Variants in BPIFB4 observed in about 807,000 individuals in gnomAD.
BPIFB4 encodes the protein BPI fold-containing family B member 4.
In BPIFB4, 62 loss-of-function variants were observed where a neutral mutation model predicts 69.2. That is an observed-to-expected ratio of 0.90 (90% CI 0.73 to 1.11). The LOEUF (loss-of-function observed/expected upper bound fraction) is 1.11, where lower values mean the gene tolerates loss of function less well. Ranked by LOEUF, BPIFB4 falls within the 50% of genes least tolerant of loss-of-function variation. The probability of loss-of-function intolerance (pLI) is 0.00; values close to 1 mark genes in which losing one functional copy is unlikely to be tolerated. For synonymous variants in BPIFB4, 330 were observed against 332.7 expected (o/e 0.99, Z 0.09); for missense variants, 789 against 792.0 (o/e 1.00, Z 0.04).
chr20:33,099,363 G>A (rs77473341), intron 13 of BPIFB4, among the ~76,000 whole-genome samples: 5,348 of 152,212 alleles, frequency 0.035, 156 homozygotes, highest in African/African-American at 0.083. Flanking sequence ...AGTGGGAATG[G>A]CTGTCCCAAT....
chr20:33,107,963 TG>T, intron 17 of BPIFB4, 143 bp downstream of exon 17: 1 of 711,380 alleles, frequency 1.4e-6, no homozygotes. Context: ...CTTCCAAGCA[TG>T]GGGCTGAGGG....
Position 33,111,495 on chromosome 20 carries a change from G to GC in BPIFB4, c.*59dup. On this transcript the variant is annotated 3_prime_UTR_variant, in exon 18 of 18. Coordinates refer to ENST00000375483, the MANE Select transcript of BPIFB4 (RefSeq NM_182519.3). ...AGAAGCTGGAACCAGTCCCAGAGAG[G>GC]CTCGGCCTGGAAACAGTCCCCTGCC... 6.2e-7 allele frequency: 1 copy of GC among 1,605,900 alleles called. No homozygotes were observed. The highest frequency in any genetic ancestry group is 8.5e-7 in the Non-Finnish European group (1 of 1,173,732).
Position 33,082,978 on chromosome 20 carries a change from G to T in BPIFB4, c.147G>T (p.Ser49=). 6.2e-7 allele frequency: 1 copy of T among 1,613,070 alleles called. No homozygotes were observed. The highest frequency in any genetic ancestry group is 8.5e-7 in the Non-Finnish European group (1 of 1,179,660). The part of the protein sequence containing the change: ...GMLQQSDALH[S]ALREVPLGVG... The stretch of plus-strand genomic sequence containing the variant: ...TGCAGCAAAGTGATGCTCTCCACTC[G>T]GCCCTGAGAGAGGTGCCCTTGGGTA... Residue 49 remains serine (S), a synonymous_variant, in exon 4 of 18, where the codon TCG becomes TCT. Coordinates refer to ENST00000375483, the MANE Select transcript of BPIFB4 (RefSeq NM_182519.3).
At chr20:33,080,748 T>C (rs1981203701) in intron 2 of BPIFB4, among the ~76,000 whole-genome samples, 172 bp downstream of exon 2, 1 of 152,070 alleles carries the variant, frequency 6.6e-6, no homozygotes, top group African/African-American at 2.4e-5. Flanking sequence ...GATAAACTGA[T>C]GGAAAGATGA....
chr20:33,101,613 A>G (rs1315491924), intron 14 of BPIFB4, among the ~76,000 whole-genome samples: 5 of 152,134 alleles, frequency 3.3e-5, no homozygotes, highest in Non-Finnish European at 7.4e-5. Context: ...GAGTACAGTC[A>G]CGGCTCACTG....
In BPIFB4 at chr20:33,111,601, G is replaced by T. The variant is rs1207893580; in HGVS notation, c.*164G>T. The T allele has an allele frequency of 2.5e-6, 2 of 798,816 alleles. No individual in the cohort carries two copies. Among genetic ancestry groups the T allele is most frequent in the Non-Finnish European group, 2.0e-6 (1 of 497,432 alleles). 49.5% of individuals were successfully genotyped at this position (798,816 alleles called of 1,614,324 possible). A position where few individuals can be genotyped will look rare whatever the true frequency, so the allele number is the denominator to read the frequency against. ...TCCCTTGCCCCAACCCTGAGAAAGG[G>T]TCCAGCCACTACCCTGTTGGCAAAC... On this transcript the variant is annotated 3_prime_UTR_variant, in exon 18 of 18. Transcript: ENST00000375483.
At chr20:33,092,369 G>A in intron 10 of BPIFB4, 89 bp from the exon 11 acceptor site, 1 of 1,258,378 alleles carries the variant, frequency 7.9e-7, no homozygotes, top group Non-Finnish European at 1.1e-6. Flanking sequence ...TGGCTGCCTG[G>A]AGGCAGATTC....
In BPIFB4 at chr20:33,091,424, C is replaced by T. The variant is rs764279614; in HGVS notation, c.1143+625C>T. Among the ~76,000 whole-genome samples, 11 of 152,336 alleles carry T rather than the reference C, an allele frequency of 7.2e-5. No homozygotes were observed. In the South Asian group the frequency reaches 2.3e-3, roughly 32 times the overall value. On this transcript the variant is annotated intron_variant, in intron 10 of 17. Coordinates refer to ENST00000375483, the MANE Select transcript of BPIFB4 (RefSeq NM_182519.3). ...TGTGAGGTGGTATGAGCTGGCTCCT[C>T]CAGCACTGGCCTGCATCTGGCCCCT... is the stretch of plus-strand genomic sequence containing the variant.
chr20:33,095,715 C>T (rs1981736243), intron 12 of BPIFB4, among the ~76,000 whole-genome samples: 1 of 152,190 alleles, frequency 6.6e-6, no homozygotes, highest in Non-Finnish European at 1.5e-5. Flanking sequence ...TAACCATGCT[C>T]ACTTCAGAGG....
intron 10 of BPIFB4, among the ~76,000 whole-genome samples, chr20:33,091,942 G>A (rs1419538420): frequency 6.6e-6 from 1 of 152,214 alleles, no homozygotes; most frequent in African/African-American, 2.4e-5. Flanking sequence ...AGAGCTGCCA[G>A]ATGAGTGGAA....
chr20:33,082,139 A>G (rs1321326757), intron 3 of BPIFB4, among the ~76,000 whole-genome samples: 1 of 152,156 alleles, frequency 6.6e-6, no homozygotes, highest in Non-Finnish European at 1.5e-5. Context: ...GTCATCTAGC[A>G]TGTGAGGACA....
chr20:33,088,362 G>GAAAT (rs1981497570), intron 7 of BPIFB4, among the ~76,000 whole-genome samples: 1 of 148,604 alleles, frequency 6.7e-6, no homozygotes. Context: ...AAAAAGAAAA[G>GAAAT]AAAAAGAAAA....
chr20:33,095,342 G>A (rs1275561932), intron 12 of BPIFB4, among the ~76,000 whole-genome samples, 189 bp downstream of exon 12: 4 of 152,194 alleles, frequency 2.6e-5, no homozygotes, highest in Non-Finnish European at 5.9e-5. Context: ...GGAAGACACA[G>A]AGGGTTGAGG....
At chr20:33,085,716 C>A (rs1981402935) in intron 6 of BPIFB4, among the ~76,000 whole-genome samples, 1 of 152,184 alleles carries the variant, frequency 6.6e-6, no homozygotes, top group Non-Finnish European at 1.5e-5. Flanking sequence ...AGAGGGTGGG[C>A]TTCTGTGTGG....
In BPIFB4 at chr20:33,081,547, G is replaced by A; in HGVS notation, c.21G>A (p.Val7=). 1 of 1,551,712 alleles carries A rather than the reference G, an allele frequency of 6.4e-7. No homozygotes were observed. The highest frequency in any genetic ancestry group is 8.7e-7 in the Non-Finnish European group (1 of 1,146,998). Residue 7 remains valine (V), a synonymous_variant, in exon 3 of 18, where the codon GTG becomes GTA. Coordinates refer to ENST00000375483, the MANE Select transcript of BPIFB4 (RefSeq NM_182519.3). MWMAWC[V]AALSVVAVCG... The stretch of plus-strand genomic sequence containing the variant: ...CCAGCATGTGGATGGCCTGGTGTGT[G>A]GCTGCGCTGTCTGTGGTGGCTGTGT...
Position 33,107,646 on chromosome 20 carries a change from A to G in BPIFB4, c.1745-98A>G, listed in dbSNP as rs1982107243. The G allele has an allele frequency of 6.4e-6, 6 of 944,444 alleles. 1 individual carries two copies. The allele number at this position is 944,444 out of a possible 1,614,324, so 58.5% of individuals were successfully genotyped here. On this transcript the variant is annotated intron_variant, in intron 16 of 17. Coordinates refer to ENST00000375483, the MANE Select transcript of BPIFB4 (RefSeq NM_182519.3). ...GCGAGACTCTGTCTCAAAAAAAGAA[A>G]AAAGAAATTGCCAATCTTCTTACAA...
intron 17 of BPIFB4, among the ~76,000 whole-genome samples, chr20:33,108,348 C>T (rs1181986069): frequency 6.7e-6 from 1 of 149,082 alleles, no homozygotes; most frequent in East Asian, 1.9e-4. Context: ...ACTATAAAAA[C>T]CACCCGTGCT....
chr20:33,083,588 G>A lies in BPIFB4; in HGVS notation c.391G>A (p.Gly131Arg). Residue 131 changes from glycine (G) to arginine (R), a missense_variant, in exon 5 of 18, where the codon GGA becomes AGA. This residue lies in a region of BPIFB4 where 611 missense variants were observed against 575.4 expected (regional missense o/e 1.06). Transcript: ENST00000375483. ...CTATCGCAGTGCCGAGAATGCATAT[G>A]GAGGCCACAGGGGCCTCGGGCGATA... ...SGYRSAENAYGGHRGLGRYRA... is the reference protein window; with the variant it reads ...SGYRSAENAYRGHRGLGRYRA... 2 of 1,614,042 alleles carry A rather than the reference G, an allele frequency of 1.2e-6. No individual in the cohort carries two copies. The highest frequency in any genetic ancestry group is 2.2e-5 in the South Asian group (2 of 91,068).
Position 33,084,943 on chromosome 20 carries a change from C to T in BPIFB4, c.729C>T (p.Pro243=), listed in dbSNP as rs150114837. ...CTCGGGTGTCCGTGCGGCTCCTGCCCGGCGTGGGTGTCTACCTGAGCTTGT... is the reference window on the plus strand; with the variant it reads ...CTCGGGTGTCCGTGCGGCTCCTGCCTGGCGTGGGTGTCTACCTGAGCTTGT... ...TLPRVSVRLL[P]GVGVYLSLYT... The change falls in exon 6 of 18, where the codon CCC becomes CCT. Residue 243 remains proline, a synonymous_variant. Transcript: ENST00000375483. 5.5e-5 allele frequency: 88 copies of T among 1,611,514 alleles called. No homozygotes were observed. In the Middle Eastern group the frequency reaches 1.7e-3, roughly 30 times the overall value.
Sources: allele counts gnomAD v4.1 joint callset (sites outside exome capture counted in the v4.1 genomes callset), GRCh38; gene constraint gnomAD v4.1.1; regional missense constraint gnomAD v4.1.1; transcripts MANE v1.5; gene names NCBI Gene and HGNC (gene_info 2026-07-23, HGNC 2026-07-21).